The following LGR5 variants were observed in gnomAD, a reference collection of about 807,000 sequenced individuals.
LGR5 encodes the protein leucine-rich repeat-containing G protein-coupled receptor 5.
Under a neutral mutation model 76.7 loss-of-function variants are expected in LGR5, and 54 were observed. The ratio of observed to expected loss-of-function variants is 0.70; its 90% CI spans 0.57 to 0.88. The LOEUF (loss-of-function observed/expected upper bound fraction) is 0.88. Among genes scored for constraint, LGR5 ranks in the 40% least tolerant of loss-of-function variants. The pLI is 0.00. For synonymous variants in LGR5, 406 were observed against 421.9 expected (o/e 0.96, Z 0.46); for missense variants, 1,078 against 1,073.3 (o/e 1.00, Z -0.06).
At chr12:71,492,538 C>G (rs1277503306) in intron 1 of LGR5, among the ~76,000 whole-genome samples, 1 of 152,140 alleles carries the variant, frequency 6.6e-6, no homozygotes, top group Non-Finnish European at 1.5e-5. Flanking sequence ...ACATGACTCC[C>G]CATTGATCTT....
In LGR5 at chr12:71,584,519, C is replaced by A. The variant is rs779007790; in HGVS notation, c.2509C>A (p.Gln837Lys). Residue 837 changes from glutamine (Q) to lysine (K), a missense_variant, in exon 18 of 18, where the codon CAA (glutamine) becomes AAA (lysine). Gln to Lys is a moderately conservative substitution (Grantham distance 53). Transcript: ENST00000266674. ...GGAGGATCTGGTGAGCCTGAGAAAG[C>A]AAACCTACGTCTGGACAAGATCAAA... Reference protein sequence around the residue: ...FKEDLVSLRKQTYVWTRSKHP... With the variant: ...FKEDLVSLRKKTYVWTRSKHP... 2 of 1,614,166 alleles carry A rather than the reference C, an allele frequency of 1.2e-6. No homozygotes were observed. Among genetic ancestry groups the A allele is most frequent in the Non-Finnish European group, 1.7e-6 (2 of 1,180,030 alleles).
At chr12:71,497,637 G>A (rs978840659) in intron 1 of LGR5, among the ~76,000 whole-genome samples, 1 of 152,190 alleles carries the variant, frequency 6.6e-6, no homozygotes, top group African/African-American at 2.4e-5. Flanking sequence ...TATGTGAAAA[G>A]TGATCGATTA....
At chr12:71,510,819 G>T (rs1875116001) in intron 2 of LGR5, among the ~76,000 whole-genome samples, 1 of 152,118 alleles carries the variant, frequency 6.6e-6, no homozygotes, top group African/African-American at 2.4e-5. Flanking sequence ...GGGACTGGGA[G>T]CCTGGAGCTG....
At chr12:71,547,225 A>T (rs1263198257) in intron 4 of LGR5, among the ~76,000 whole-genome samples, 1 of 152,068 alleles carries the variant, frequency 6.6e-6, no homozygotes, top group Non-Finnish European at 1.5e-5. Context: ...TTTGGACACC[A>T]ACTATTCTAT....
rs1565764544 is a variant in LGR5, at chr12:71,566,700, T to C, written c.998T>C (p.Leu333Pro). Residue 333 changes from leucine (L) to proline (P), a missense_variant and splice_region_variant, in exon 10 of 18, where the codon CTG (leucine) becomes CCG (proline). Leu to Pro is a moderately conservative substitution (Grantham distance 98). Coordinates refer to ENST00000266674, the MANE Select transcript of LGR5 (RefSeq NM_003667.4). Reference sequence around the variant, plus strand: ...ACTGGAACTGCAAACCTGGAGAGTCTGTAAGTACTGAGTAGACTCTTGACT... The same window carrying C: ...ACTGGAACTGCAAACCTGGAGAGTCCGTAAGTACTGAGTAGACTCTTGACT... ...DLTGTANLES[L>P]TLTGAQISSL... 1 of 1,611,756 alleles carries C rather than the reference T, an allele frequency of 6.2e-7. No individual in the cohort carries two copies. The highest frequency in any genetic ancestry group is 8.5e-7 in the Non-Finnish European group (1 of 1,177,868).
intron 6 of LGR5, among the ~76,000 whole-genome samples, chr12:71,558,720 T>C (rs1877904465): frequency 6.6e-6 from 1 of 152,232 alleles, no homozygotes; most frequent in Non-Finnish European, 1.5e-5. Flanking sequence ...CACATCTGAT[T>C]GCCTGACGAA....
intron 1 of LGR5, among the ~76,000 whole-genome samples, chr12:71,466,444 A>G (rs1872867008): frequency 6.6e-6 from 1 of 152,212 alleles, no homozygotes; most frequent in Non-Finnish European, 1.5e-5. Flanking sequence ...TTGTGAGAAT[A>G]TCATGTAAAG....
chr12:71,555,865 A>G (rs1482578623), intron 5 of LGR5, among the ~76,000 whole-genome samples: 1 of 152,220 alleles, frequency 6.6e-6, no homozygotes, highest in Non-Finnish European at 1.5e-5. Flanking sequence ...TTATAAAGAC[A>G]CATGCATGTG....
rs868812789 is a variant in LGR5, at chr12:71,572,921, TGTGA to T, written c.1208+3_1208+6del. On this transcript the variant is annotated splice_donor_variant and splice_donor_region_variant and intron_variant, in intron 13 of 17. Coordinates refer to ENST00000266674, the MANE Select transcript of LGR5 (RefSeq NM_003667.4). LOFTEE classifies it high-confidence loss of function. ...CAGCAGTTGCTTAGCCTCCGATCGC[TGTGA>T]GTATCACCTCCCAGTGCGTTCCCCA... 19 of 1,611,174 alleles carry T rather than the reference TGTGA, an allele frequency of 1.2e-5. No individual in the cohort carries two copies. Among genetic ancestry groups the T allele is most frequent in the Middle Eastern group, 1.6e-4 (1 of 6,084 alleles).
intron 2 of LGR5, among the ~76,000 whole-genome samples, chr12:71,522,606 G>C (rs1253991825): frequency 6.6e-6 from 1 of 151,880 alleles, no homozygotes; most frequent in Non-Finnish European, 1.5e-5. Context: ...TCTGCTGTTT[G>C]TCTACTCTAT....
intron 1 of LGR5, among the ~76,000 whole-genome samples, chr12:71,485,302 G>A (rs1873778458): frequency 1.3e-5 from 2 of 152,146 alleles, no homozygotes; most frequent in Admixed American, 6.6e-5. Flanking sequence ...AAATTTTAAA[G>A]AGTTCATTTG....
At position 71,553,103 on chromosome 12, in the gene LGR5, GC is replaced by G; in HGVS notation, c.464del (p.Pro155GlnfsTer10). On this transcript the variant is annotated frameshift_variant, in exon 5 of 18. Coordinates refer to ENST00000266674, the MANE Select transcript of LGR5 (RefSeq NM_003667.4). LOFTEE classifies it high-confidence loss of function. Reference protein sequence around the residue: ...RLDANHISYVPPSCFSGLHSL... With the variant: ...RLDANHISYVXPSCFSGLHSL... The stretch of plus-strand genomic sequence containing the variant: ...TGGATGCTAACCACATCAGCTATGT[GC>G]CCCCAAGCTGTTTCAGTGGCCTGCA... The G allele has an allele frequency of 1.2e-6, 2 of 1,613,900 alleles. No homozygotes were observed. The highest frequency in any genetic ancestry group is 4.5e-5 in the East Asian group (2 of 44,850).
At chr12:71,511,885 C>T (rs1052172422) in intron 2 of LGR5, among the ~76,000 whole-genome samples, 2 of 152,130 alleles carry the variant, frequency 1.3e-5, no homozygotes, top group Admixed American at 1.3e-4. Context: ...AGTCTTAAAG[C>T]TCATAATTCC....
At chr12:71,574,452 T>G (rs1388630033) in intron 13 of LGR5, among the ~76,000 whole-genome samples, 4 of 151,990 alleles carry the variant, frequency 2.6e-5, no homozygotes, top group Non-Finnish European at 4.4e-5. Flanking sequence ...CAACTCCAAT[T>G]CATCCTCTCC....
intron 1 of LGR5, among the ~76,000 whole-genome samples, chr12:71,458,392 A>C (rs3923863): frequency 0.64 from 96,577 of 151,948 alleles, 30,884 homozygotes; most frequent in East Asian, 0.83. Flanking sequence ...TGGAATAATT[A>C]TAAAGGAAAC....
At chr12:71,544,427 AG>A (rs1877052575) in intron 4 of LGR5, among the ~76,000 whole-genome samples, 2 of 150,288 alleles carry the variant, frequency 1.3e-5, no homozygotes, top group Non-Finnish European at 3.0e-5. Context: ...GAAAGACAAA[AG>A]CACAAATTTC....
intron 2 of LGR5, among the ~76,000 whole-genome samples, chr12:71,516,628 T>C (rs1035505809): frequency 6.6e-6 from 1 of 152,162 alleles, no homozygotes; most frequent in Non-Finnish European, 1.5e-5. Context: ...CTACAAAATA[T>C]AAAATAAAAT....
chr12:71,545,151 A>G (rs1038403634), intron 4 of LGR5, among the ~76,000 whole-genome samples: 1 of 152,072 alleles, frequency 6.6e-6, no homozygotes, highest in African/African-American at 2.4e-5. Flanking sequence ...AAATCTTTTT[A>G]TAATGCTCAT....
chr12:71,570,233 A>C (rs1229516864), intron 11 of LGR5, among the ~76,000 whole-genome samples: 2 of 152,212 alleles, frequency 1.3e-5, no homozygotes, highest in African/African-American at 4.8e-5. Flanking sequence ...TGATGGGCTG[A>C]TAGGTGCAGT....
Sources: allele counts gnomAD v4.1 joint callset (sites outside exome capture counted in the v4.1 genomes callset), GRCh38; gene constraint gnomAD v4.1.1; transcripts MANE v1.5; gene names NCBI Gene and HGNC (gene_info 2026-07-23, HGNC 2026-07-21).